Variants in FOXK2 observed in about 807,000 individuals in gnomAD.
The protein encoded by FOXK2 is forkhead box K2, also known as forkhead box protein K2.
In FOXK2, 24 loss-of-function variants were observed where a neutral mutation model predicts 53.3. That is an observed-to-expected ratio of 0.45 (90% CI 0.33 to 0.63). The LOEUF is 0.63. Ranked by LOEUF, FOXK2 falls within the 30% of genes least tolerant of loss-of-function variation. FOXK2 has a pLI of 0.03. For synonymous variants in FOXK2, 505 were observed against 407.1 expected (o/e 1.24, Z -2.89); for missense variants, 952 against 910.5 (o/e 1.05, Z -0.59).
rs779837443 is a variant in FOXK2 at position 82,520,189 on chromosome 17, G to C, written c.301G>C (p.Ala101Pro). The C allele has an allele frequency of 7.0e-7, 1 of 1,420,900 alleles. No homozygotes were observed. The highest frequency in any genetic ancestry group is 3.0e-5 in the East Asian group (1 of 33,316). 88.0% of individuals were successfully genotyped at this position (1,420,900 alleles called of 1,614,324 possible). ...HGGAAPELPP[A>P]QPRPDAGGDF... ...CGGGGCCGCTCCGGAGCTGCCGCCC[G>C]CGCAGCCCAGGCCCGACGCCGGCGG... The change falls in exon 1 of 9, where the codon GCG becomes CCG. Residue 101 changes from alanine to proline, a missense_variant. This residue lies in a region of FOXK2 where 163 missense variants were observed against 165.5 expected (regional missense o/e 0.98). Coordinates refer to ENST00000335255, the MANE Select transcript of FOXK2 (RefSeq NM_004514.4).
chr17:82,538,606 G>A (rs1274680362), intron 1 of FOXK2, among the ~76,000 whole-genome samples: 1 of 152,252 alleles, frequency 6.6e-6, no homozygotes, highest in Non-Finnish European at 1.5e-5. Context: ...CCCCACAGGA[G>A]CCGCATGGGG....
chr17:82,592,893 G>C (rs538027315), intron 8 of FOXK2, among the ~76,000 whole-genome samples: 25 of 151,796 alleles, frequency 1.6e-4, no homozygotes, highest in Admixed American at 1.2e-3. Context: ...AGGTCTCCCT[G>C]TGCCGGGCAC....
intron 8 of FOXK2, among the ~76,000 whole-genome samples, chr17:82,587,903 T>G (rs1027811466): frequency 1.3e-5 from 2 of 152,186 alleles, no homozygotes; most frequent in African/African-American, 4.8e-5. Context: ...TGTGGGCTGT[T>G]GCCGGCTGTG....
At chr17:82,525,982 C>G (rs1409761317) in intron 1 of FOXK2, among the ~76,000 whole-genome samples, 1 of 152,244 alleles carries the variant, frequency 6.6e-6, no homozygotes, top group Non-Finnish European at 1.5e-5. Flanking sequence ...GAATCCCACA[C>G]TTTCTTATGT....
intron 8 of FOXK2, among the ~76,000 whole-genome samples, chr17:82,590,059 A>T (rs969139302): frequency 1.3e-5 from 2 of 151,820 alleles, no homozygotes; most frequent in African/African-American, 4.8e-5. Context: ...AAAAAAAAAA[A>T]GTCTTGTCAG....
intron 1 of FOXK2, among the ~76,000 whole-genome samples, chr17:82,530,404 C>G (rs1278334780): frequency 7.9e-6 from 1 of 126,404 alleles, no homozygotes; most frequent in African/African-American, 3.0e-5. Context: ...GCAGGAGAAT[C>G]ACTTGAACTC....
chr17:82,577,849 A>G (rs1192109365), intron 4 of FOXK2, among the ~76,000 whole-genome samples: 1 of 152,060 alleles, frequency 6.6e-6, no homozygotes, highest in Non-Finnish European at 1.5e-5. Flanking sequence ...GTGGTTCTCC[A>G]TTCTCAGCCT....
intron 4 of FOXK2, among the ~76,000 whole-genome samples, chr17:82,577,605 C>G (rs2045005006): frequency 6.6e-6 from 1 of 152,126 alleles, no homozygotes; most frequent in Admixed American, 6.5e-5. Context: ...CTCGGTGACT[C>G]CAAAATGATT....
chr17:82,586,003 C>G lies in FOXK2; in HGVS notation c.1379C>G (p.Thr460Ser). Residue 460 changes from threonine to serine, a missense_variant, in exon 7 of 9, where the codon ACC (threonine) becomes AGC (serine). Physicochemically the swap from Thr to Ser is moderately conservative, Grantham distance 58. Around this residue, in one of 5 missense-constraint regions of FOXK2, gnomAD observed 551 missense variants for 385.1 expected, o/e 1.43. Coordinates refer to ENST00000335255, the MANE Select transcript of FOXK2 (RefSeq NM_004514.4). ...TACACTGTGGCCACCCCAGTGACCA[C>G]CTCGACCTCCCAGCCACCCGTCGTG... ...VTYTVATPVT[T>S]STSQPPVVQT... The G allele has an allele frequency of 6.2e-7, 1 of 1,612,838 alleles. No homozygotes were observed. Among genetic ancestry groups the G allele is most frequent in the Non-Finnish European group, 8.5e-7 (1 of 1,179,986 alleles).
rs2044733217 is a variant in FOXK2, at chr17:82,557,036, T to A, written c.420-6318T>A. Reference sequence around the variant, plus strand: ...ATTTTTATTTTATTATTATTATTTTTTATTTTTTTTTTGAGACAGAGTTGC... The same window carrying A: ...ATTTTTATTTTATTATTATTATTTTATATTTTTTTTTTGAGACAGAGTTGC... On this transcript the variant is annotated intron_variant, in intron 1 of 8. Transcript: ENST00000335255. Among the ~76,000 whole-genome samples the A allele has an allele frequency of 3.9e-5, 5 of 126,670 alleles. No individual in the cohort carries two copies. The South Asian group carries it at 1.3e-3, about 34-fold the overall frequency. 83.1% of individuals were successfully genotyped at this position (126,670 alleles called of 152,430 possible).
chr17:82,565,384 A>G (rs1365753581), intron 2 of FOXK2, among the ~76,000 whole-genome samples: 1 of 152,248 alleles, frequency 6.6e-6, no homozygotes, highest in African/African-American at 2.4e-5. Context: ...AAGGTGTTGT[A>G]CAGAATGGGA....
intron 4 of FOXK2, among the ~76,000 whole-genome samples, chr17:82,576,231 C>T (rs1481520180): frequency 4.9e-5 from 4 of 81,960 alleles, no homozygotes; most frequent in Admixed American, 2.6e-4. Flanking sequence ...GTGGCGGCGG[C>T]GGGTTCGTCC....
At chr17:82,559,997 T>G (rs2144108630) in intron 1 of FOXK2, among the ~76,000 whole-genome samples, 1 of 140,358 alleles carries the variant, frequency 7.1e-6, no homozygotes, top group African/African-American at 2.6e-5. Flanking sequence ...TTGCTCTGGA[T>G]AGACTTTTTT....
rs1478806502 is a variant in FOXK2 at position 82,591,677 on chromosome 17, A to G, written c.1786+4405A>G. 2.6e-5 allele frequency among the ~76,000 whole-genome samples: 4 copies of G among 152,308 alleles called. No individual in the cohort carries two copies. In the East Asian group the frequency reaches 7.7e-4, roughly 29 times the overall value. On this transcript the variant is annotated intron_variant, in intron 8 of 8. Transcript: ENST00000335255. ...TGGCAGGGAGATGTGGGAAGAGTCC[A>G]GGCGCCCAAGCTCTTGCATATTCAC...
At position 82,582,612 on chromosome 17, in the gene FOXK2, A is replaced by G. The variant is rs1430658097; in HGVS notation, c.910-129A>G. 9.9e-6 allele frequency: 7 copies of G among 705,722 alleles called. No individual in the cohort carries two copies. In the Admixed American group the frequency reaches 2.2e-4, roughly 22 times the overall value. The allele number at this position is 705,722 out of a possible 1,614,324, so 43.7% of individuals were successfully genotyped here. On this transcript the variant is annotated intron_variant, in intron 4 of 8. Transcript: ENST00000335255. ...TTACTTGTGTGACGCAAAAGAAAAA[A>G]AATTCACTCTTGCAGTCTGCCAGGC... is the stretch of plus-strand genomic sequence containing the variant.
At chr17:82,535,990 T>A (rs2044517045) in intron 1 of FOXK2, among the ~76,000 whole-genome samples, 2 of 151,982 alleles carry the variant, frequency 1.3e-5, no homozygotes, top group African/African-American at 4.8e-5. Flanking sequence ...GATCCGCCTG[T>A]CTCAGCCTCC....
In FOXK2 at chr17:82,601,857, G is replaced by A. The variant is rs1428431556; in HGVS notation, c.*358G>A. The A allele has an allele frequency of 1.5e-5, 3 of 201,248 alleles. No homozygotes were observed. Among genetic ancestry groups the A allele is most frequent in the Non-Finnish European group, 3.1e-5 (3 of 97,966 alleles). 12.5% of individuals were successfully genotyped at this position (201,248 alleles called of 1,614,324 possible). ...CCAAGACTAGGCCTCAGGACGCGGG[G>A]GGAGCCATCCCCGCCGCCCTCACAG... is the stretch of plus-strand genomic sequence containing the variant. On this transcript the variant is annotated 3_prime_UTR_variant, in exon 9 of 9. Transcript: ENST00000335255.
intron 1 of FOXK2, among the ~76,000 whole-genome samples, chr17:82,548,272 C>G (rs919168621): frequency 2.0e-5 from 3 of 152,192 alleles, no homozygotes; most frequent in Admixed American, 1.3e-4. Flanking sequence ...GCTAGTTGCT[C>G]CATATCCTTG....
intron 8 of FOXK2, chr17:82,587,684 T>C: frequency 3.4e-6 from 1 of 291,584 alleles, no homozygotes; most frequent in Non-Finnish European, 6.8e-6. Flanking sequence ...GCTCTCAGAG[T>C]CCGTCCGAGG....
Sources: gnomAD v4.1 joint callset for allele counts (sites outside exome capture counted in the v4.1 genomes callset) on GRCh38, gnomAD v4.1.1 for gene constraint, gnomAD v4.1.1 regional missense constraint, MANE v1.5 for transcripts, NCBI Gene and HGNC (gene_info 2026-07-23, HGNC 2026-07-21) for gene names.